RANBP17: variants seen among roughly 807,000 people sequenced by gnomAD.
RANBP17 encodes ran-binding protein 17.
RANBP17 carries 158 observed loss-of-function variants against 141.2 expected under a neutral mutation model. That is an observed-to-expected ratio of 1.12 (90% CI 0.98 to 1.28). The LOEUF (loss-of-function observed/expected upper bound fraction) is 1.28, where lower values mean the gene tolerates loss of function less well. Ranked by LOEUF, RANBP17 falls within the 50% of genes most tolerant of loss-of-function variation. The pLI, the probability that RANBP17 is intolerant of heterozygous loss-of-function variation, is 0.00. For missense variants in RANBP17, 1,438 were observed against 1,290.7 expected (o/e 1.11, Z -1.75); for synonymous variants, 430 against 450.0 (o/e 0.96, Z 0.56).
rs575614275 is a variant in RANBP17 at position 170,898,375 on chromosome 5, G to T, written c.489+2260G>T. ...TATCCTTTGCCCACTTTGTGATGGG[G>T]TTTTTTTTTCTTGTAAATGTGTTTA... On this transcript the variant is annotated intron_variant, in intron 5 of 27. Transcript: ENST00000523189. 5.8e-4 allele frequency among the ~76,000 whole-genome samples: 88 copies of T among 150,996 alleles called. 1 individual carries two copies. In the South Asian group the frequency reaches 0.013, roughly 22 times the overall value.
intron 22 of RANBP17, among the ~76,000 whole-genome samples, chr5:171,231,224 C>T (rs1764192272): frequency 6.6e-6 from 1 of 151,676 alleles, no homozygotes; most frequent in Non-Finnish European, 1.5e-5. Context: ...CCTTGGATCA[C>T]AGGCTTGAGC....
intron 16 of RANBP17, among the ~76,000 whole-genome samples, chr5:171,182,658 C>T (rs940241956): frequency 6.6e-6 from 1 of 152,186 alleles, no homozygotes; most frequent in Non-Finnish European, 1.5e-5. Context: ...TTCCTTTAAG[C>T]TGTCCTTCTA....
intron 25 of RANBP17, among the ~76,000 whole-genome samples, chr5:171,278,249 T>G (rs1767654059): frequency 1.3e-5 from 2 of 152,092 alleles, no homozygotes; most frequent in Admixed American, 1.3e-4. Flanking sequence ...CCGGGTGTGG[T>G]GGCTCACGCC....
chr5:171,011,395 T>C (rs1248267270), intron 14 of RANBP17, among the ~76,000 whole-genome samples: 1 of 151,978 alleles, frequency 6.6e-6, no homozygotes, highest in African/African-American at 2.4e-5. Flanking sequence ...GTATAATGGG[T>C]AGTTATTCGT....
At chr5:171,183,128 T>C (rs1258101920) in intron 16 of RANBP17, 39 bp from the exon 17 acceptor site, 1 of 1,088,532 alleles carries the variant, frequency 9.2e-7, no homozygotes, top group Non-Finnish European at 1.4e-6. Context: ...CATACTGATA[T>C]TACAAATATA....
chr5:171,057,320 C>A (rs1783459112), intron 14 of RANBP17, among the ~76,000 whole-genome samples: 2 of 152,084 alleles, frequency 1.3e-5, no homozygotes, highest in South Asian at 4.1e-4. Context: ...TTTATAGTGA[C>A]AAACCATTTT....
intron 14 of RANBP17, among the ~76,000 whole-genome samples, chr5:171,065,885 G>A (rs1257992374): frequency 6.6e-6 from 1 of 151,346 alleles, no homozygotes. Flanking sequence ...TTTTGAGACG[G>A]AGTCTCACTC....
chr5:171,025,947 A>G (rs1781205931), intron 14 of RANBP17, among the ~76,000 whole-genome samples: 1 of 152,126 alleles, frequency 6.6e-6, no homozygotes. Context: ...TAATTAATGT[A>G]ATTATTTGTC....
intron 1 of RANBP17, among the ~76,000 whole-genome samples, chr5:170,865,105 C>G (rs1767132599): frequency 6.6e-6 from 1 of 152,106 alleles, no homozygotes; most frequent in Non-Finnish European, 1.5e-5. Flanking sequence ...CTTGCTCGCC[C>G]AGGCTGGAGT....
intron 14 of RANBP17, among the ~76,000 whole-genome samples, chr5:171,082,176 C>G (rs1460565802): frequency 6.6e-6 from 1 of 152,118 alleles, no homozygotes; most frequent in Non-Finnish European, 1.5e-5. Context: ...CTGACTTGCG[C>G]TCATCTCAAA....
rs368023702 is a variant in RANBP17 at position 170,929,595 on chromosome 5, T to C, written c.1468+5045T>C. 3.3e-5 allele frequency among the ~76,000 whole-genome samples: 5 copies of C among 152,316 alleles called. No individual in the cohort carries two copies. In the East Asian group the frequency reaches 7.7e-4, roughly 24 times the overall value. On this transcript the variant is annotated intron_variant, in intron 12 of 27. Transcript: ENST00000523189. ...ACTTGGTCATAATATAATGTTTCTT[T>C]AGAAATTGTTAAATTCAATTTGCAA... is the stretch of plus-strand genomic sequence containing the variant.
chr5:171,075,075 C>G (rs1784834364), intron 14 of RANBP17, among the ~76,000 whole-genome samples: 1 of 152,084 alleles, frequency 6.6e-6, no homozygotes, highest in South Asian at 2.1e-4. Context: ...TGACCTTGAG[C>G]AGCAGGATAT....
chr5:171,077,904 A>G (rs570214725), intron 14 of RANBP17, among the ~76,000 whole-genome samples: 10 of 152,304 alleles, frequency 6.6e-5, no homozygotes, highest in South Asian at 2.1e-4. Context: ...TCCTAACTCT[A>G]TTCACTTCTA....
chr5:170,946,560 G>A (rs1330754075), intron 12 of RANBP17, among the ~76,000 whole-genome samples: 2 of 152,116 alleles, frequency 1.3e-5, no homozygotes, highest in Non-Finnish European at 2.9e-5. Flanking sequence ...CAATAAATTA[G>A]CAAATACCGA....
intron 11 of RANBP17, 106 bp from the exon 12 acceptor site, chr5:170,924,251 T>C: frequency 1.3e-6 from 1 of 751,838 alleles, no homozygotes; most frequent in Non-Finnish European, 2.0e-6. Flanking sequence ...TGCCTCTGTC[T>C]TTTATTCCTT....
At chr5:171,130,456 G>A (rs544919487) in intron 14 of RANBP17, among the ~76,000 whole-genome samples, 10 of 13,950 alleles carry the variant, frequency 7.2e-4, no homozygotes, top group Admixed American at 5.1e-3. Context: ...TTTTTTTTGA[G>A]ACGGAGTTTC....
chr5:171,045,483 A>G (rs1248474207), intron 14 of RANBP17, among the ~76,000 whole-genome samples: 1 of 152,152 alleles, frequency 6.6e-6, no homozygotes, highest in Non-Finnish European at 1.5e-5. Context: ...CTCATTCTCA[A>G]AAAGAAAGAT....
At chr5:171,168,207 G>T (rs1200992471) in intron 14 of RANBP17, among the ~76,000 whole-genome samples, 1 of 152,196 alleles carries the variant, frequency 6.6e-6, no homozygotes, top group African/African-American at 2.4e-5. Flanking sequence ...ACTGGACGTT[G>T]TGGGAACATA....
chr5:171,248,491 T>C (rs1239539400), intron 24 of RANBP17, among the ~76,000 whole-genome samples: 1 of 151,402 alleles, frequency 6.6e-6, no homozygotes, highest in Non-Finnish European at 1.5e-5. Flanking sequence ...GAGAAAAGGG[T>C]AAATGAGAGA....
Sources: allele counts gnomAD v4.1 joint callset (sites outside exome capture counted in the v4.1 genomes callset), GRCh38; gene constraint gnomAD v4.1.1; transcripts MANE v1.5; gene names NCBI Gene and HGNC (gene_info 2026-07-23, HGNC 2026-07-21).